ANKRD10: variants seen among roughly 807,000 people sequenced by gnomAD.
The protein encoded by ANKRD10 is ankyrin repeat domain 10, also known as ankyrin repeat domain-containing protein 10.
ANKRD10 carries 14 observed loss-of-function variants against 27.0 expected under a neutral mutation model. The observed-to-expected ratio is 0.52, with a 90% confidence interval of 0.34 to 0.81. The LOEUF (loss-of-function observed/expected upper bound fraction) is 0.81, where lower values mean the gene tolerates loss of function less well. Ranked by LOEUF, ANKRD10 falls within the 40% of genes least tolerant of loss-of-function variation. The probability of loss-of-function intolerance (pLI) is 0.01; values close to 1 mark genes in which losing one functional copy is unlikely to be tolerated. For missense variants in ANKRD10, 493 were observed against 544.0 expected, an observed-to-expected ratio of 0.91 and a Z score of 0.93; for synonymous variants, 250 against 224.5, an observed-to-expected ratio of 1.11 and a Z score of -1.01.
In ANKRD10 at chr13:110,879,696, C is replaced by A. The variant is rs972553085; in HGVS notation, c.1204G>T (p.Val402Leu). Residue 402 changes from valine (V) to leucine (L), a missense_variant, in exon 6 of 6, where the codon GTG (valine) becomes TTG (leucine). Coordinates refer to ENST00000267339, the MANE Select transcript of ANKRD10 (RefSeq NM_017664.4). ...SVVEHSKSVKVQERYDSAVLG... is the reference protein window; with the variant it reads ...SVVEHSKSVKLQERYDSAVLG... ...ACGGCACTGTCGTACCGCTCCTGCACCTTCACGGACTTGGAATGCTCGACC... is the reference window on the plus strand; with the variant it reads ...ACGGCACTGTCGTACCGCTCCTGCAACTTCACGGACTTGGAATGCTCGACC... 8 of 1,614,184 alleles carry A rather than the reference C, an allele frequency of 5.0e-6. No homozygotes were observed. The highest frequency in any genetic ancestry group is 5.9e-6 in the Non-Finnish European group (7 of 1,180,046).
At chr13:110,910,050 CGT>C in intron 2 of ANKRD10, among the ~76,000 whole-genome samples, 1 of 152,132 alleles carries the variant, frequency 6.6e-6, no homozygotes. Context: ...AATCTGAATG[CGT>C]GTGTGTTTGG....
chr13:110,914,013 A>G (rs1317620103), intron 1 of ANKRD10, among the ~76,000 whole-genome samples: 3 of 152,222 alleles, frequency 2.0e-5, no homozygotes, highest in Non-Finnish European at 2.9e-5. Flanking sequence ...GCTTAATTTA[A>G]CCACTTCTGC....
At chr13:110,885,154 CT>C (rs537058639) in intron 4 of ANKRD10, among the ~76,000 whole-genome samples, 168 of 152,058 alleles carry the variant, frequency 1.1e-3, no homozygotes, top group African/African-American at 3.6e-3. Flanking sequence ...CCATTCAAAG[CT>C]TTAAAAAATC....
chr13:110,894,214 C>G, intron 3 of ANKRD10: 1 of 1,591,174 alleles, frequency 6.3e-7, no homozygotes, highest in Non-Finnish European at 8.6e-7. Flanking sequence ...TGTAAAAAAG[C>G]AGACATCCTG....
At chr13:110,890,347 G>A (rs139746176) in intron 4 of ANKRD10, among the ~76,000 whole-genome samples, 33 of 152,104 alleles carry the variant, frequency 2.2e-4, no homozygotes, top group African/African-American at 7.2e-4. Flanking sequence ...CTCTCAGTAT[G>A]TAATGGTAAA....
intron 1 of ANKRD10, among the ~76,000 whole-genome samples, chr13:110,912,252 A>G (rs2065736850): frequency 6.6e-6 from 1 of 152,204 alleles, no homozygotes. Flanking sequence ...ACCTCACCTG[A>G]AGACAAAACA....
chr13:110,900,733 A>T, intron 3 of ANKRD10: 1 of 1,301,144 alleles, frequency 7.7e-7, no homozygotes, highest in Non-Finnish European at 1.0e-6. Context: ...ACAGATTCAG[A>T]ATCTTCTGTG....
At chr13:110,903,520 C>G (rs1020599839) in intron 3 of ANKRD10, 1 of 154,818 alleles carries the variant, frequency 6.5e-6, no homozygotes, top group East Asian at 1.9e-4. Context: ...AGCTGAAATG[C>G]GTTATCTTAC....
chr13:110,911,790 A>T (rs907315621), intron 1 of ANKRD10: 1 of 152,298 alleles, frequency 6.6e-6, no homozygotes, highest in African/African-American at 2.4e-5. Flanking sequence ...AAAAAACAAA[A>T]AACAACAACA....
chr13:110,900,940 A>AT (rs1199472994), intron 3 of ANKRD10, among the ~76,000 whole-genome samples: 1 of 152,170 alleles, frequency 6.6e-6, no homozygotes, highest in Non-Finnish European at 1.5e-5. Context: ...ACCTTTGGTA[A>AT]TTTTTTAGCA....
At chr13:110,912,871 G>A (rs2065760406) in intron 1 of ANKRD10, among the ~76,000 whole-genome samples, 1 of 152,198 alleles carries the variant, frequency 6.6e-6, no homozygotes, top group Admixed American at 6.5e-5. Context: ...TTTGGACACT[G>A]GACAGGGGCT....
chr13:110,885,385 T>A (rs2064902100), intron 4 of ANKRD10, among the ~76,000 whole-genome samples: 1 of 151,830 alleles, frequency 6.6e-6, no homozygotes, highest in Non-Finnish European at 1.5e-5. Context: ...TAAATACTAC[T>A]AAAAATACAA....
intron 3 of ANKRD10, chr13:110,894,756 T>G (rs116355942): frequency 2.6e-5 from 4 of 151,866 alleles, no homozygotes; most frequent in Non-Finnish European, 4.4e-5. Context: ...ATTAGCCTTA[T>G]TAAGACTGCA....
chr13:110,908,931 G>C (rs922994687), intron 2 of ANKRD10, among the ~76,000 whole-genome samples: 1 of 152,218 alleles, frequency 6.6e-6, no homozygotes, highest in Non-Finnish European at 1.5e-5. Context: ...AATACAGGGA[G>C]GGCTGAAAAG....
At chr13:110,883,914 A>AAAAAC in intron 4 of ANKRD10, 121 bp from the exon 5 acceptor site, 2 of 1,096,642 alleles carry the variant, frequency 1.8e-6, no homozygotes, top group Non-Finnish European at 2.5e-6. Flanking sequence ...ATAAAAAAAA[A>AAAAAC]TCGACAGGTC....
At chr13:110,889,715 TTTTC>T (rs1469845165) in intron 4 of ANKRD10, among the ~76,000 whole-genome samples, 1 of 152,236 alleles carries the variant, frequency 6.6e-6, no homozygotes, top group Non-Finnish European at 1.5e-5. Flanking sequence ...GGCTTTTTCT[TTTTC>T]TTTTTTAAAG....
chr13:110,904,192 T>C lies in ANKRD10; in HGVS notation c.455+1841A>G, dbSNP rs183307637. 3.3e-5 allele frequency: 5 copies of C among 152,330 alleles called. No individual in the cohort carries two copies. The East Asian group carries it at 9.6e-4, about 29-fold the overall frequency. 9.4% of individuals were successfully genotyped at this position (152,330 alleles called of 1,614,324 possible). On this transcript the variant is annotated intron_variant, in intron 3 of 5. Coordinates refer to ENST00000267339, the MANE Select transcript of ANKRD10 (RefSeq NM_017664.4). The stretch of plus-strand genomic sequence containing the variant: ...TTTTGGCTAGGTAGCTCAGGCTAAA[T>C]ACTTCTTCTAAAAAAAATATGAAAG...
chr13:110,900,735 T>C (rs756071042), intron 3 of ANKRD10: 11 of 1,295,480 alleles, frequency 8.5e-6, no homozygotes, highest in Non-Finnish European at 1.1e-5. Context: ...AGATTCAGAA[T>C]CTTCTGTGTG....
intron 3 of ANKRD10, among the ~76,000 whole-genome samples, chr13:110,901,708 G>A (rs922825396): frequency 1.3e-5 from 2 of 152,070 alleles, no homozygotes; most frequent in South Asian, 2.1e-4. Context: ...CTTAACAACC[G>A]GAAAATAGCC....
Sources: allele counts gnomAD v4.1 joint callset (sites outside exome capture counted in the v4.1 genomes callset), GRCh38; gene constraint gnomAD v4.1.1; transcripts MANE v1.5; gene names NCBI Gene and HGNC (gene_info 2026-07-23, HGNC 2026-07-21).